DEPDC4: variants seen among roughly 807,000 people sequenced by gnomAD.
The protein encoded by DEPDC4 is DEP domain containing 4.
Under a neutral mutation model 52.0 loss-of-function variants are expected in DEPDC4, and 52 were observed. That is an observed-to-expected ratio of 1.00 (90% CI 0.80 to 1.26). DEPDC4 has a LOEUF of 1.26. DEPDC4 is among the 50% of genes most tolerant of loss of function. The pLI, the probability that DEPDC4 is intolerant of heterozygous loss-of-function variation, is 0.00. For missense variants in DEPDC4, 530 were observed against 546.9 expected (o/e 0.97, Z 0.31); for synonymous variants, 201 against 196.8 (o/e 1.02, Z -0.18).
At chr12:100,236,694 C>T (rs1488123529), downstream of DEPDC4, among the ~76,000 whole-genome samples, 1 of 152,100 alleles carries the variant, frequency 6.6e-6, no homozygotes, top group Non-Finnish European at 1.5e-5. Flanking sequence ...AATTAAGTCC[C>T]ACCTATTTAT....
chr12:100,261,399 G>A (rs11837751), intron 3 of DEPDC4, among the ~76,000 whole-genome samples: 18,065 of 152,132 alleles, frequency 0.12, 1,534 homozygotes, highest in African/African-American at 0.25. Context: ...TCTCCTAACT[G>A]CCCTGGCTAT....
intron 4 of DEPDC4, 91 bp downstream of exon 4, chr12:100,255,958 C>T: frequency 1.1e-6 from 1 of 899,754 alleles, no homozygotes; most frequent in Non-Finnish European, 1.7e-6. Context: ...AAGCTTATAA[C>T]ATGAATATTT....
chr12:100,281,131 C>T, the DEPDC4 span, among the ~76,000 whole-genome samples: 128 of 141,958 alleles, frequency 9.0e-4, no homozygotes, highest in Admixed American at 1.4e-3. Flanking sequence ...CGGGCTCAAA[C>T]GATCCTTCCA....
downstream of DEPDC4, among the ~76,000 whole-genome samples, chr12:100,235,567 G>C (rs1592859581): frequency 6.7e-6 from 1 of 149,612 alleles, no homozygotes; most frequent in African/African-American, 2.5e-5. Flanking sequence ...AAACTCCACT[G>C]TATCATTCTT....
At chr12:100,236,205 C>T (rs2096141161), downstream of DEPDC4, among the ~76,000 whole-genome samples, 1 of 152,100 alleles carries the variant, frequency 6.6e-6, no homozygotes. Flanking sequence ...TGGGTAGATA[C>T]CCAGTAGTGG....
intron 5 of DEPDC4, among the ~76,000 whole-genome samples, chr12:100,252,990 C>T (rs918140176): frequency 6.6e-6 from 1 of 152,050 alleles, no homozygotes; most frequent in African/African-American, 2.4e-5. Context: ...GATCTCGGCT[C>T]ACTACAAGCT....
At chr12:100,239,397 A>ACC (rs1295704310), downstream of DEPDC4, among the ~76,000 whole-genome samples, 1 of 150,306 alleles carries the variant, frequency 6.7e-6, no homozygotes, top group African/African-American at 2.5e-5. Flanking sequence ...TTTTTTTGAG[A>ACC]CAGCGTTTCA....
At chr12:100,250,050 ATCATAAATATCCCCACC>A (rs1423998134) in intron 7 of DEPDC4, among the ~76,000 whole-genome samples, 2 of 152,110 alleles carry the variant, frequency 1.3e-5, no homozygotes, top group African/African-American at 4.8e-5. Context: ...GAGAGCCCCT[ATCATAAATATCCCCACC>A]TCAGCCTCCC....
intron 7 of DEPDC4, among the ~76,000 whole-genome samples, chr12:100,250,947 G>A (rs1460576023): frequency 6.6e-5 from 10 of 151,976 alleles, no homozygotes; most frequent in Non-Finnish European, 1.5e-5. Flanking sequence ...CAAAATTCAT[G>A]AATGAAACAT....
In DEPDC4 at chr12:100,254,307, CCTTT is replaced by C. The variant is rs2096221968; in HGVS notation, c.879-596_879-593del. 2.0e-5 allele frequency among the ~76,000 whole-genome samples: 3 copies of C among 148,510 alleles called. No homozygotes were observed. The Admixed American group carries it at 2.0e-4, about 10-fold the overall frequency. ...CTGTAATTTCCCTTAATGGTATGTC[CCTTT>C]TTTTTGACTTTTTTTTTTTTTTTTT... On this transcript the variant is annotated intron_variant, in intron 4 of 9. Coordinates refer to ENST00000550587, the MANE Select transcript of DEPDC4 (RefSeq NM_001364818.2).
At chr12:100,253,401 A>ATATAG (rs2096217161) in intron 5 of DEPDC4, 88 bp downstream of exon 5, 1 of 472,208 alleles carries the variant, frequency 2.1e-6, no homozygotes, top group Non-Finnish European at 3.5e-6. Context: ...TGTAATACTC[A>ATATAG]TATAGTATAC....
chr12:100,270,472 ACTT>A (rs1566338110), upstream of DEPDC4, among the ~76,000 whole-genome samples: 1 of 152,134 alleles, frequency 6.6e-6, no homozygotes, highest in Non-Finnish European at 1.5e-5. Flanking sequence ...AATCTGATTA[ACTT>A]CTTGTTGTAA....
intron 8 of DEPDC4, among the ~76,000 whole-genome samples, chr12:100,247,426 G>A (rs139737629): frequency 7.9e-5 from 12 of 152,088 alleles, no homozygotes; most frequent in African/African-American, 2.2e-4. Flanking sequence ...GGCTGGTCTC[G>A]AAGTCATAAC....
At chr12:100,279,457 ATCG>A in the DEPDC4 span, among the ~76,000 whole-genome samples, 1 of 152,206 alleles carries the variant, frequency 6.6e-6, no homozygotes, top group African/African-American at 2.4e-5. Context: ...TATAAGTCAC[ATCG>A]TCTTGCTTCT....
Position 100,263,802 on chromosome 12 carries a change from A to G in DEPDC4, c.249T>C (p.His83=). Residue 83 remains histidine (H), a synonymous_variant, in exon 2 of 10, where the codon CAT becomes CAC. Transcript: ENST00000550587. ...AQVEIKRRRH[H]LQTYKDCFTG... Reference sequence around the variant, plus strand: ...TGAAACAGTCTTTGTATGTCTGTAAATGATGCCTCCTTCTTTTTATTTCCA... The same window carrying G: ...TGAAACAGTCTTTGTATGTCTGTAAGTGATGCCTCCTTCTTTTTATTTCCA... 6.2e-7 allele frequency: 1 copy of G among 1,614,206 alleles called. No homozygotes were observed. The highest frequency in any genetic ancestry group is 2.2e-5 in the East Asian group (1 of 44,870).
chr12:100,271,891 T>A (rs2096288042), upstream of DEPDC4, among the ~76,000 whole-genome samples: 1 of 152,228 alleles, frequency 6.6e-6, no homozygotes, highest in African/African-American at 2.4e-5. Context: ...ATAAATATAA[T>A]TTTACCTGTT....
rs34267654 is a variant in DEPDC4, at chr12:100,241,849, GAAA to G, written c.*47-7_*47-5del. 7,705 of 1,016,494 alleles carry G rather than the reference GAAA, an allele frequency of 7.6e-3. 4 individuals carry two copies. The highest frequency in any genetic ancestry group is 8.2e-3 in the Non-Finnish European group (6,849 of 832,602). 63.0% of individuals were successfully genotyped at this position (1,016,494 alleles called of 1,614,324 possible). A position where few individuals can be genotyped will look rare whatever the true frequency, so the allele number is the denominator to read the frequency against. On this transcript the variant is annotated splice_polypyrimidine_tract_variant and splice_region_variant and intron_variant, in intron 9 of 9. Coordinates refer to ENST00000550587, the MANE Select transcript of DEPDC4 (RefSeq NM_001364818.2). ...AAGGGTTGGCAAAACGTAAAGCCTG[GAAA>G]AAAAAAAAAAAAACAAAAGAAAAAG...
downstream of DEPDC4, chr12:100,237,844 C>T (rs1398438775): frequency 6.5e-6 from 1 of 152,728 alleles, no homozygotes; most frequent in African/African-American, 2.4e-5. Context: ...AAAACTGAGG[C>T]TCAGTGCAAA....
the DEPDC4 span, among the ~76,000 whole-genome samples, chr12:100,272,808 C>G: frequency 6.6e-6 from 1 of 152,036 alleles, no homozygotes; most frequent in African/African-American, 2.4e-5. Context: ...TTTTGTAATT[C>G]AGCAACGCTT....
Sources: gnomAD v4.1 joint callset for allele counts (sites outside exome capture counted in the v4.1 genomes callset) on GRCh38, gnomAD v4.1.1 for gene constraint, MANE v1.5 for transcripts, NCBI Gene and HGNC (gene_info 2026-07-23, HGNC 2026-07-21) for gene names.